Variants in KHDRBS2 observed in about 807,000 individuals in gnomAD.
The protein encoded by KHDRBS2 is KH domain-containing, RNA-binding, signal transduction-associated protein 2.
In KHDRBS2, 26 loss-of-function variants were observed where a neutral mutation model predicts 44.3. The ratio of observed to expected loss-of-function variants is 0.59; its 90% CI spans 0.43 to 0.81. KHDRBS2 has a LOEUF of 0.81. KHDRBS2 is among the 40% of genes least tolerant of loss of function. The pLI is 0.00. For missense variants in KHDRBS2, 476 were observed against 433.1 expected (o/e 1.10, Z -0.88); for synonymous variants, 194 against 151.1 (o/e 1.28, Z -2.08).
At chr6:61,689,766 T>C (rs1767193751) in intron 8 of KHDRBS2, among the ~76,000 whole-genome samples, 1 of 152,036 alleles carries the variant, frequency 6.6e-6, no homozygotes, top group African/African-American at 2.4e-5. Flanking sequence ...TTCTGGCATC[T>C]CTTGTTACCC....
chr6:61,620,647 C>T, the KHDRBS2 span, among the ~76,000 whole-genome samples: 1 of 152,194 alleles, frequency 6.6e-6, no homozygotes, highest in African/African-American at 2.4e-5. Context: ...TCAGGAGAAA[C>T]TGCTGCAAAG....
chr6:62,285,375 G>A (rs999204669), intron 1 of KHDRBS2, among the ~76,000 whole-genome samples: 6 of 152,132 alleles, frequency 3.9e-5, no homozygotes, highest in Admixed American at 2.6e-4. Flanking sequence ...TTAATGCATA[G>A]GTTAATTCTA....
At chr6:61,903,650 CA>C in intron 4 of KHDRBS2, among the ~76,000 whole-genome samples, 1 of 152,046 alleles carries the variant, frequency 6.6e-6, no homozygotes, top group East Asian at 1.9e-4. Context: ...AGATAGTTTC[CA>C]CCACACTGAC....
At chr6:61,859,868 T>C (rs1181063245) in intron 6 of KHDRBS2, among the ~76,000 whole-genome samples, 1 of 151,908 alleles carries the variant, frequency 6.6e-6, no homozygotes, top group Non-Finnish European at 1.5e-5. Flanking sequence ...GAAGATATAA[T>C]AATTATAACA....
At position 62,217,881 on chromosome 6, in the gene KHDRBS2, T is replaced by A. The variant is rs575783983; in HGVS notation, c.92-40569A>T. ...GATTGACACTAGGGCAGAGATTCTG[T>A]TTTCAAAACTGTCCAACTGGATAAT... On this transcript the variant is annotated intron_variant, in intron 1 of 8. Transcript: ENST00000281156. 1.4e-4 allele frequency among the ~76,000 whole-genome samples: 21 copies of A among 151,942 alleles called. No individual in the cohort carries two copies. The East Asian group carries it at 2.3e-3, about 17-fold the overall frequency.
the KHDRBS2 span, among the ~76,000 whole-genome samples, chr6:61,598,861 A>G: frequency 2.1e-5 from 2 of 96,502 alleles, no homozygotes; most frequent in Non-Finnish European, 3.9e-5. Context: ...TTTTTTTTGC[A>G]CATCAGGGTA....
chr6:61,646,260 C>T, the KHDRBS2 span, among the ~76,000 whole-genome samples: 1 of 152,098 alleles, frequency 6.6e-6, no homozygotes, highest in African/African-American at 2.4e-5. Context: ...TAAATGAGCA[C>T]ACACTGCTAT....
chr6:61,662,170 G>A, the KHDRBS2 span, among the ~76,000 whole-genome samples: 1 of 152,056 alleles, frequency 6.6e-6, no homozygotes, highest in East Asian at 1.9e-4. Flanking sequence ...TTTAATAAAT[G>A]GTGCTGGGAA....
At chr6:61,547,944 G>A in the KHDRBS2 span, among the ~76,000 whole-genome samples, 1 of 152,104 alleles carries the variant, frequency 6.6e-6, no homozygotes, top group Non-Finnish European at 1.5e-5. Flanking sequence ...CAAAGGTACA[G>A]CATTTTAACA....
chr6:62,107,967 G>C (rs548256476), intron 2 of KHDRBS2, among the ~76,000 whole-genome samples: 16 of 152,112 alleles, frequency 1.1e-4, no homozygotes, highest in Middle Eastern at 3.4e-3. Flanking sequence ...AGACTTAAAC[G>C]TTAGACCTAA....
chr6:62,073,971 G>T (rs982135000), intron 2 of KHDRBS2, among the ~76,000 whole-genome samples: 3 of 151,766 alleles, frequency 2.0e-5, no homozygotes, highest in African/African-American at 7.2e-5. Context: ...ACTGAGTGGG[G>T]ATCCACTTTT....
At chr6:61,736,248 T>A (rs1389885038) in intron 6 of KHDRBS2, among the ~76,000 whole-genome samples, 7 of 57,464 alleles carry the variant, frequency 1.2e-4, no homozygotes, top group South Asian at 6.3e-4. Context: ...ACACACACAC[T>A]AACAACTGTT....
At chr6:61,700,594 A>C (rs1311952794) in intron 7 of KHDRBS2, among the ~76,000 whole-genome samples, 1 of 151,524 alleles carries the variant, frequency 6.6e-6, no homozygotes, top group African/African-American at 2.4e-5. Flanking sequence ...ACACCCTTTC[A>C]GCTAGATGTG....
intron 3 of KHDRBS2, among the ~76,000 whole-genome samples, chr6:62,046,113 A>T (rs1256918311): frequency 6.6e-6 from 1 of 151,902 alleles, no homozygotes; most frequent in Non-Finnish European, 1.5e-5. Context: ...TCACACAAAG[A>T]GTAATAAGAA....
chr6:61,655,211 A>AATAC, the KHDRBS2 span, among the ~76,000 whole-genome samples: 57 of 136,670 alleles, frequency 4.2e-4, no homozygotes, highest in Admixed American at 2.7e-3. Flanking sequence ...AGAACGTTTA[A>AATAC]ATACATACAT....
chr6:62,093,468 T>G (rs981655785), intron 2 of KHDRBS2, among the ~76,000 whole-genome samples: 2 of 151,956 alleles, frequency 1.3e-5, no homozygotes, highest in African/African-American at 2.4e-5. Context: ...ACCTTAAACA[T>G]TTATCATTTC....
At chr6:62,186,502 G>A (rs1298303800) in intron 1 of KHDRBS2, among the ~76,000 whole-genome samples, 1 of 151,874 alleles carries the variant, frequency 6.6e-6, no homozygotes, top group Non-Finnish European at 1.5e-5. Context: ...ATTATTGATG[G>A]TATACCCATG....
At chr6:61,591,825 G>T in the KHDRBS2 span, among the ~76,000 whole-genome samples, 2 of 152,152 alleles carry the variant, frequency 1.3e-5, no homozygotes, top group African/African-American at 2.4e-5. Context: ...CAGGGAAGGG[G>T]TCAAGGTAAA....
At chr6:62,282,010 C>G (rs760237379) in intron 1 of KHDRBS2, among the ~76,000 whole-genome samples, 7 of 152,040 alleles carry the variant, frequency 4.6e-5, no homozygotes, top group Non-Finnish European at 8.8e-5. Flanking sequence ...AAGGTGATTA[C>G]GTTAATCAAA....
Sources: gnomAD v4.1 joint callset for allele counts (sites outside exome capture counted in the v4.1 genomes callset) on GRCh38, gnomAD v4.1.1 for gene constraint, MANE v1.5 for transcripts, NCBI Gene and HGNC (gene_info 2026-07-23, HGNC 2026-07-21) for gene names.